The following TNFRSF8 variants were observed in gnomAD, a reference collection of about 807,000 sequenced individuals.
TNFRSF8 encodes tumor necrosis factor receptor superfamily member 8.
TNFRSF8 carries 26 observed loss-of-function variants against 70.8 expected under a neutral mutation model. The ratio of observed to expected loss-of-function variants is 0.37; its 90% CI spans 0.27 to 0.51. TNFRSF8 has a LOEUF of 0.51. Ranked by LOEUF, TNFRSF8 falls within the 20% of genes least tolerant of loss-of-function variation. The pLI, the probability that TNFRSF8 is intolerant of heterozygous loss-of-function variation, is 0.94. For missense variants in TNFRSF8, 720 were observed against 807.9 expected (o/e 0.89, Z 1.32); for synonymous variants, 356 against 339.2 (o/e 1.05, Z -0.54).
At chr1:12,139,177 C>T (rs1642210710) in intron 14 of TNFRSF8, among the ~76,000 whole-genome samples, 1 of 152,192 alleles carries the variant, frequency 6.6e-6, no homozygotes, top group Non-Finnish European at 1.5e-5. Context: ...GCCGAGAAGC[C>T]TCCAGCAGCT....
In TNFRSF8 at chr1:12,066,354, A is replaced by ATT. The variant is rs113285006; in HGVS notation, c.63+2709_63+2710dup. On this transcript the variant is annotated intron_variant, in intron 1 of 14. Transcript: ENST00000263932. The stretch of plus-strand genomic sequence containing the variant: ...GGGCTTGAATTTCCTTGAGTTTAAA[A>ATT]TTTTTTTTTTTTTTTTTGAGATGAA... Among the ~76,000 whole-genome samples the ATT allele has an allele frequency of 3.7e-3, 517 of 140,850 alleles. 1 individual carries two copies. The highest frequency in any genetic ancestry group is 9.7e-3 in the African/African-American group (371 of 38,088). The allele number at this position is 140,850 out of a possible 152,430, so 92.4% of individuals were successfully genotyped here.
chr1:12,140,367 C>G (rs1449415835), intron 14 of TNFRSF8, among the ~76,000 whole-genome samples: 2 of 152,220 alleles, frequency 1.3e-5, no homozygotes, highest in African/African-American at 4.8e-5. Flanking sequence ...AGGGGTCACA[C>G]TGGGGTCTGT....
Position 12,075,791 on chromosome 1 carries a change from C to T in TNFRSF8, c.64-8673C>T, listed in dbSNP as rs1002829252. 9.2e-5 allele frequency among the ~76,000 whole-genome samples: 14 copies of T among 152,322 alleles called. No individual in the cohort carries two copies. The East Asian group carries it at 1.3e-3, about 15-fold the overall frequency. ...TTTTAAATTCTCCTTGATTAAAAAC[C>T]GCCTAAATCCAGCCCCAAAACATCA... is the stretch of plus-strand genomic sequence containing the variant. On this transcript the variant is annotated intron_variant, in intron 1 of 14. Transcript: ENST00000263932.
chr1:12,065,078 CTTTTTTTTTTTTT>C (rs773549918), intron 1 of TNFRSF8, among the ~76,000 whole-genome samples: 5 of 88,262 alleles, frequency 5.7e-5, no homozygotes, highest in African/African-American at 1.0e-4. Flanking sequence ...CATACCAAAC[CTTTTTTTTTTTTT>C]TTTTTTTTTG....
At chr1:12,082,575 C>CA (rs535984823) in intron 1 of TNFRSF8, among the ~76,000 whole-genome samples, 4 of 144,800 alleles carry the variant, frequency 2.8e-5, no homozygotes, top group South Asian at 2.2e-4. Context: ...AAAAACAAAA[C>CA]AAAAAAAACC....
chr1:12,069,752 C>T (rs1640810149), intron 1 of TNFRSF8, among the ~76,000 whole-genome samples: 1 of 152,220 alleles, frequency 6.6e-6, no homozygotes, highest in African/African-American at 2.4e-5. Context: ...AGGGTCTCTG[C>T]CCCACGGAAC....
In TNFRSF8 at chr1:12,135,617, A is replaced by C. The variant is rs1480523304; in HGVS notation, c.1335+4A>C. 1.9e-6 allele frequency: 3 copies of C among 1,614,110 alleles called. No individual in the cohort carries two copies. The highest frequency in any genetic ancestry group is 1.1e-5 in the South Asian group (1 of 91,054). Reference sequence around the variant, plus strand: ...CAGACCCAGGAGGAGCTCAACGGTAAGTACCCCTCCCTTGCCCCCACCTCA... The same window carrying C: ...CAGACCCAGGAGGAGCTCAACGGTACGTACCCCTCCCTTGCCCCCACCTCA... On this transcript the variant is annotated splice_donor_region_variant and intron_variant, in intron 13 of 14. Coordinates refer to ENST00000263932, the MANE Select transcript of TNFRSF8 (RefSeq NM_001243.5).
chr1:12,110,181 T>C lies in TNFRSF8; in HGVS notation c.653T>C (p.Val218Ala). ...AGGGCTCCCGACTCTCCCTCCTCTG[T>C]GGGAAGGCCTAGTTCAGATCCAGGT... The part of the protein sequence containing the change: ...LTRAPDSPSS[V>A]GRPSSDPGLS... Residue 218 changes from valine (V) to alanine (A), a missense_variant, in exon 6 of 15, where the codon GTG becomes GCG. Coordinates refer to ENST00000263932, the MANE Select transcript of TNFRSF8 (RefSeq NM_001243.5). The surrounding 1 kb of genome is among the most constrained non-coding windows in gnomAD (Gnocchi z 4.0). 6.2e-7 allele frequency: 1 copy of C among 1,606,124 alleles called. No homozygotes were observed. Among genetic ancestry groups the C allele is most frequent in the Non-Finnish European group, 8.5e-7 (1 of 1,175,856 alleles).
chr1:12,096,665 A>G (rs1336464917), intron 2 of TNFRSF8, among the ~76,000 whole-genome samples: 1 of 152,186 alleles, frequency 6.6e-6, no homozygotes, highest in Non-Finnish European at 1.5e-5. Context: ...GTTGGGTGCC[A>G]GGGACTGCTG....
chr1:12,134,934 C>T (rs1202476128), intron 12 of TNFRSF8, among the ~76,000 whole-genome samples: 1 of 152,090 alleles, frequency 6.6e-6, no homozygotes, highest in African/African-American at 2.4e-5. Context: ...CTGGTTGGGC[C>T]TGTGCTTCTC....
intron 3 of TNFRSF8, among the ~76,000 whole-genome samples, chr1:12,101,072 G>C (rs552931425): frequency 1.3e-5 from 2 of 152,268 alleles, no homozygotes; most frequent in South Asian, 4.1e-4. Context: ...ACCTGCAGAA[G>C]GACCTACCTG....
At position 12,125,997 on chromosome 1, in the gene TNFRSF8, C is replaced by A; in HGVS notation, c.1200C>A (p.Gly400=). The A allele has an allele frequency of 1.2e-6, 2 of 1,614,134 alleles. No individual in the cohort carries two copies. The highest frequency in any genetic ancestry group is 1.7e-6 in the Non-Finnish European group (2 of 1,180,030). ...WVILVLVVVV[G]SSAFLLCHRR... Reference sequence around the variant, plus strand: ...TCCTGGTGTTGGTTGTGGTGGTCGGCTCCAGCGCCTTCCTCCTGTGCCACC... The same window carrying A: ...TCCTGGTGTTGGTTGTGGTGGTCGGATCCAGCGCCTTCCTCCTGTGCCACC... Residue 400 remains glycine, a synonymous_variant, in exon 11 of 15, where the codon GGC becomes GGA. Transcript: ENST00000263932.
At chr1:12,111,437 C>A (rs1005686317) in intron 6 of TNFRSF8, among the ~76,000 whole-genome samples, 5 of 152,282 alleles carry the variant, frequency 3.3e-5, no homozygotes, top group African/African-American at 1.2e-4. Context: ...CCGCCTCAGC[C>A]TCCCAAAGTG....
In TNFRSF8 at chr1:12,138,135, T is replaced by C; in HGVS notation, c.1336-94T>C. On this transcript the variant is annotated intron_variant, in intron 13 of 14. Coordinates refer to ENST00000263932, the MANE Select transcript of TNFRSF8 (RefSeq NM_001243.5). This position sits in a 1 kb window ranked among gnomAD's most constrained non-coding sequence, Gnocchi z 5.7. ...AAGCAGAAAGGGGGACTCACTGGGG[T>C]CTGTAGAGATGAAAAAAAAAAGGGG... 7.7e-7 allele frequency: 1 copy of C among 1,298,134 alleles called. No individual in the cohort carries two copies. The highest frequency in any genetic ancestry group is 1.5e-5 in the African/African-American group (1 of 65,458). 80.4% of individuals were successfully genotyped at this position (1,298,134 alleles called of 1,614,324 possible).
chr1:12,063,759 C>A lies in TNFRSF8; in HGVS notation c.63+98C>A. 1 of 1,142,504 alleles carries A rather than the reference C, an allele frequency of 8.8e-7. No individual in the cohort carries two copies. Among genetic ancestry groups the A allele is most frequent in the Non-Finnish European group, 1.1e-6 (1 of 898,708 alleles). The allele number at this position is 1,142,504 out of a possible 1,614,324, so 70.8% of individuals were successfully genotyped here. ...AAGGGAGGACACTCCTCACCCCGTT[C>A]CCTGCCCAGCTGGAGTGAGGGGGCG... On this transcript the variant is annotated intron_variant, in intron 1 of 14. Transcript: ENST00000263932. The surrounding 1 kb of genome is among the most constrained non-coding windows in gnomAD (Gnocchi z 7.2).
intron 2 of TNFRSF8, among the ~76,000 whole-genome samples, chr1:12,096,453 A>G (rs1641332723): frequency 1.3e-5 from 2 of 150,714 alleles, no homozygotes; most frequent in African/African-American, 4.9e-5. Flanking sequence ...AATCACACAC[A>G]CGCAAATCTC....
chr1:12,076,222 T>C (rs1411579912), intron 1 of TNFRSF8, among the ~76,000 whole-genome samples: 1 of 150,438 alleles, frequency 6.6e-6, no homozygotes, highest in Non-Finnish European at 1.5e-5. Context: ...TGCCTCAGCC[T>C]CCCGAGTAGC....
chr1:12,103,952 G>A (rs894540577), intron 3 of TNFRSF8, among the ~76,000 whole-genome samples: 1 of 152,118 alleles, frequency 6.6e-6, no homozygotes, highest in East Asian at 1.9e-4. Context: ...TGATGACCAC[G>A]TGCCCACCAT....
intron 12 of TNFRSF8, among the ~76,000 whole-genome samples, chr1:12,134,810 A>G (rs1414008598): frequency 6.6e-6 from 1 of 152,180 alleles, no homozygotes; most frequent in Non-Finnish European, 1.5e-5. Context: ...GAGGTCCTCC[A>G]TGTGGGTTTT....
Sources: gnomAD v4.1 joint callset for allele counts (sites outside exome capture counted in the v4.1 genomes callset) on GRCh38, gnomAD v4.1.1 for gene constraint, Gnocchi (gnomAD v3.1) non-coding constraint, MANE v1.5 for transcripts, NCBI Gene and HGNC (gene_info 2026-07-23, HGNC 2026-07-21) for gene names.